Variants in MAP2 observed in about 807,000 individuals in gnomAD.
MAP2 encodes the protein microtubule associated protein 2.
In MAP2, 14 loss-of-function variants were observed where a neutral mutation model predicts 137.6. The observed-to-expected ratio is 0.10, with a 90% CI of 0.07 to 0.16. The LOEUF (loss-of-function observed/expected upper bound fraction) is 0.16, where lower values mean the gene tolerates loss of function less well. MAP2 is among the 10% of genes least tolerant of loss of function. The pLI is 1.00. For synonymous variants in MAP2, 786 were observed against 782.3 expected, an observed-to-expected ratio of 1.00 and a Z score of -0.08; for missense variants, 2,088 against 2,191.5, an observed-to-expected ratio of 0.95 and a Z score of 0.94.
At chr2:209,605,861 T>C (rs1229049475) in intron 3 of MAP2, among the ~76,000 whole-genome samples, 1 of 152,162 alleles carries the variant, frequency 6.6e-6, no homozygotes. Context: ...AGACTTGCAA[T>C]TTAAATTAAC....
At chr2:209,512,256 ACAC>A (rs2061821973) in intron 2 of MAP2, among the ~76,000 whole-genome samples, 1 of 152,082 alleles carries the variant, frequency 6.6e-6, no homozygotes, top group Non-Finnish European at 1.5e-5. Flanking sequence ...TTGTATCAAA[ACAC>A]CACCTTGTGT....
intron 2 of MAP2, among the ~76,000 whole-genome samples, chr2:209,566,449 C>T (rs1488856930): frequency 6.6e-6 from 1 of 152,176 alleles, no homozygotes; most frequent in Non-Finnish European, 1.5e-5. Flanking sequence ...CTTTCAAGTG[C>T]CTCAGCCTGC....
intron 5 of MAP2, among the ~76,000 whole-genome samples, chr2:209,657,010 T>TA: frequency 6.6e-6 from 1 of 152,350 alleles, no homozygotes; most frequent in East Asian, 1.9e-4. Context: ...CTCACACTTG[T>TA]AAGTGAGAAC....
intron 4 of MAP2, among the ~76,000 whole-genome samples, chr2:209,645,416 A>T (rs1436933560): frequency 6.6e-6 from 1 of 152,160 alleles, no homozygotes; most frequent in African/African-American, 2.4e-5. Context: ...ATGATAATTT[A>T]AAAAGTATTC....
chr2:209,488,404 C>T (rs1224787842), intron 1 of MAP2, among the ~76,000 whole-genome samples: 2 of 151,870 alleles, frequency 1.3e-5, no homozygotes, highest in East Asian at 3.9e-4. Flanking sequence ...TTTTTTCATA[C>T]CCCAGTGGCA....
At chr2:209,711,304 A>T (rs2065369100) in intron 13 of MAP2, among the ~76,000 whole-genome samples, 1 of 152,156 alleles carries the variant, frequency 6.6e-6, no homozygotes, top group Non-Finnish European at 1.5e-5. Context: ...AGGAAGAAAG[A>T]TCTTGCCAAA....
intron 7 of MAP2, among the ~76,000 whole-genome samples, chr2:209,683,241 C>CTG (rs2055532529): frequency 6.6e-6 from 1 of 152,178 alleles, no homozygotes; most frequent in Admixed American, 6.5e-5. Flanking sequence ...TTTCTTCAAG[C>CTG]TGTTTCAAGA....
chr2:209,485,121 A>G (rs188661795), intron 1 of MAP2, among the ~76,000 whole-genome samples: 66 of 152,306 alleles, frequency 4.3e-4, no homozygotes, highest in African/African-American at 1.4e-3. Flanking sequence ...GATTCATCAA[A>G]TGCTGAGTCC....
chr2:209,543,218 G>C (rs1217129257), intron 2 of MAP2, among the ~76,000 whole-genome samples: 2 of 152,190 alleles, frequency 1.3e-5, no homozygotes, highest in Non-Finnish European at 2.9e-5. Flanking sequence ...CCAGTCAGTG[G>C]AGCAGTCAGA....
intron 13 of MAP2, chr2:209,723,498 G>T: frequency 1.4e-6 from 1 of 724,392 alleles, no homozygotes; most frequent in Non-Finnish European, 2.5e-6. Flanking sequence ...TAGGTGGAAG[G>T]GAATCTAAAG....
chr2:209,540,587 C>T (rs1396171970), intron 2 of MAP2, among the ~76,000 whole-genome samples: 11 of 124,906 alleles, frequency 8.8e-5, no homozygotes, highest in East Asian at 2.5e-4. Context: ...GCTGAGATCG[C>T]GCCATTGCAC....
chr2:209,621,154 C>T (rs890389152), intron 3 of MAP2, among the ~76,000 whole-genome samples: 4 of 151,370 alleles, frequency 2.6e-5, no homozygotes, highest in Admixed American at 2.6e-4. Flanking sequence ...GAGATCACGC[C>T]ATTGCACTCT....
At chr2:209,518,520 A>G (rs1246966613) in intron 2 of MAP2, among the ~76,000 whole-genome samples, 1 of 152,128 alleles carries the variant, frequency 6.6e-6, no homozygotes, top group African/African-American at 2.4e-5. Flanking sequence ...AGAAACCTGA[A>G]CAGAGGGTGC....
rs948223701 is a variant in MAP2, at chr2:209,561,872, A to G, written c.-171-18164A>G. ...CACCAACTTAATGTAAGGCACATTG[A>G]TGAAGCACTCAGCATGGCCAGGGAC... is the stretch of plus-strand genomic sequence containing the variant. On this transcript the variant is annotated intron_variant, in intron 2 of 15. Coordinates refer to ENST00000682079, the MANE Select transcript of MAP2 (RefSeq NM_001375505.1). Among the ~76,000 whole-genome samples, 7 of 152,322 alleles carry G rather than the reference A, an allele frequency of 4.6e-5. No homozygotes were observed. The East Asian group carries it at 1.3e-3, about 29-fold the overall frequency.
intron 13 of MAP2, among the ~76,000 whole-genome samples, chr2:209,714,259 T>C (rs746558546): frequency 3.3e-5 from 5 of 152,188 alleles, no homozygotes; most frequent in Non-Finnish European, 7.4e-5. Flanking sequence ...CTTGTAATAA[T>C]TGAAAGTTAC....
chr2:209,499,250 G>A (rs769375831), intron 1 of MAP2, among the ~76,000 whole-genome samples: 4 of 152,106 alleles, frequency 2.6e-5, no homozygotes, highest in Non-Finnish European at 5.9e-5. Context: ...CTAGGGTATG[G>A]ACACAATCCA....
chr2:209,484,349 G>A (rs528013770), intron 1 of MAP2, among the ~76,000 whole-genome samples: 2 of 151,072 alleles, frequency 1.3e-5, no homozygotes, highest in South Asian at 2.1e-4. Context: ...GCTCACGCCC[G>A]TAATCCCAGC....
At chr2:209,697,822 C>T (rs540918356) in intron 10 of MAP2, among the ~76,000 whole-genome samples, 10 of 152,146 alleles carry the variant, frequency 6.6e-5, no homozygotes, top group African/African-American at 1.9e-4. Context: ...TAGAAATAAA[C>T]TTCGGTTTAT....
intron 1 of MAP2, among the ~76,000 whole-genome samples, chr2:209,435,998 T>TAATATATACATTATATATTATATATA (rs1559159522): frequency 2.3e-5 from 2 of 88,806 alleles, no homozygotes; most frequent in Non-Finnish European, 4.0e-5. Context: ...TATTATATAC[T>TAATATATACATTATATATTATATATA]ATATATACAG....
Sources: gnomAD v4.1 joint callset for allele counts (sites outside exome capture counted in the v4.1 genomes callset) on GRCh38, gnomAD v4.1.1 for gene constraint, MANE v1.5 for transcripts, NCBI Gene and HGNC (gene_info 2026-07-23, HGNC 2026-07-21) for gene names.